The following TMEM132B variants were observed in gnomAD, a reference collection of about 807,000 sequenced individuals.
TMEM132B encodes the protein transmembrane protein 132B.
Under a neutral mutation model 90.8 loss-of-function variants are expected in TMEM132B, and 18 were observed. That is an observed-to-expected ratio of 0.20 (90% CI 0.14 to 0.29). The LOEUF (loss-of-function observed/expected upper bound fraction) is 0.29. Among genes scored for constraint, TMEM132B ranks in the 10% least tolerant of loss-of-function variants. The pLI is 1.00. For synonymous variants in TMEM132B, 504 were observed against 523.3 expected (o/e 0.96, Z 0.50); for missense variants, 1,096 against 1,326.8 (o/e 0.83, Z 2.70).
chr12:125,514,589 G>A (rs1883060231), intron 3 of TMEM132B, among the ~76,000 whole-genome samples: 1 of 152,144 alleles, frequency 6.6e-6, no homozygotes, highest in Non-Finnish European at 1.5e-5. Context: ...TTCCCATGTG[G>A]GGAAAGTGTT....
At chr12:125,378,506 C>T (rs1041560575) in intron 2 of TMEM132B, among the ~76,000 whole-genome samples, 16 of 152,304 alleles carry the variant, frequency 1.1e-4, no homozygotes, top group African/African-American at 3.4e-4. Flanking sequence ...CATCTTTAAC[C>T]CACAGTTTTT....
intron 5 of TMEM132B, among the ~76,000 whole-genome samples, chr12:125,595,554 G>A (rs1430896977): frequency 6.6e-6 from 1 of 152,164 alleles, no homozygotes; most frequent in Non-Finnish European, 1.5e-5. Context: ...TGGTGCAAAA[G>A]TAACTGTGGT....
At chr12:125,324,033 A>G (rs895803788) in intron 1 of TMEM132B, among the ~76,000 whole-genome samples, 1 of 151,994 alleles carries the variant, frequency 6.6e-6, no homozygotes, top group African/African-American at 2.4e-5. Context: ...ACACACATAC[A>G]CACACACAAC....
intron 3 of TMEM132B, among the ~76,000 whole-genome samples, chr12:125,431,516 G>A (rs556947778): frequency 1.2e-4 from 19 of 152,252 alleles, no homozygotes; most frequent in South Asian, 1.0e-3. Flanking sequence ...CGTACTGAGC[G>A]ACGTGCTTAG....
chr12:125,534,529 C>T (rs1347829109), intron 4 of TMEM132B, among the ~76,000 whole-genome samples: 1 of 152,164 alleles, frequency 6.6e-6, no homozygotes, highest in East Asian at 1.9e-4. Context: ...ATTTTCCACC[C>T]CACAACCAAA....
At chr12:125,627,215 G>C (rs1452564722) in intron 5 of TMEM132B, among the ~76,000 whole-genome samples, 2 of 151,944 alleles carry the variant, frequency 1.3e-5, no homozygotes, top group Non-Finnish European at 2.9e-5. Context: ...ATTTCCTCTA[G>C]AGCCTTTAAC....
chr12:125,331,473 C>T (rs1876770174), intron 1 of TMEM132B, among the ~76,000 whole-genome samples: 1 of 152,146 alleles, frequency 6.6e-6, no homozygotes, highest in Non-Finnish European at 1.5e-5. Context: ...GTTTCGAGGT[C>T]GCGCTATGGT....
At chr12:125,321,809 A>G (rs1474722718) in intron 1 of TMEM132B, among the ~76,000 whole-genome samples, 1 of 151,976 alleles carries the variant, frequency 6.6e-6, no homozygotes, top group African/African-American at 2.4e-5. Flanking sequence ...GTTAAGATAC[A>G]CCACCATATG....
chr12:125,544,922 A>G (rs1037198831), intron 4 of TMEM132B, among the ~76,000 whole-genome samples: 10 of 148,998 alleles, frequency 6.7e-5, no homozygotes, highest in Admixed American at 4.0e-4. Context: ...CCAGAAAACA[A>G]TAGTAATCAA....
At chr12:125,255,015 T>C (rs1020812115) in intron 1 of TMEM132B, among the ~76,000 whole-genome samples, 4 of 152,180 alleles carry the variant, frequency 2.6e-5, no homozygotes, top group African/African-American at 9.6e-5. Flanking sequence ...ATGGGGACTG[T>C]GACGAGGAGG....
chr12:125,412,069 A>C (rs961384629), intron 2 of TMEM132B, among the ~76,000 whole-genome samples: 1 of 152,060 alleles, frequency 6.6e-6, no homozygotes, highest in African/African-American at 2.4e-5. Flanking sequence ...GTCTCCCCGC[A>C]CTGGACCCTC....
At chr12:125,300,236 G>A (rs1992890) in intron 1 of TMEM132B, among the ~76,000 whole-genome samples, 88,800 of 151,696 alleles carry the variant, frequency 0.59, 27,158 homozygotes, top group South Asian at 0.71. Context: ...AGGTCTCGCT[G>A]TGCTGCCCAG....
intron 4 of TMEM132B, among the ~76,000 whole-genome samples, chr12:125,545,432 A>G (rs2136742388): frequency 6.6e-6 from 1 of 152,296 alleles, no homozygotes; most frequent in South Asian, 2.1e-4. Flanking sequence ...GGAACACACC[A>G]GTGTGGATGT....
chr12:125,359,641 G>T (rs1877898220), intron 2 of TMEM132B, among the ~76,000 whole-genome samples: 1 of 152,130 alleles, frequency 6.6e-6, no homozygotes, highest in African/African-American at 2.4e-5. Context: ...ATAAATACCA[G>T]CCAGTTGGTT....
At chr12:125,218,280 T>G (rs1315300110) in intron 1 of TMEM132B, among the ~76,000 whole-genome samples, 1 of 152,082 alleles carries the variant, frequency 6.6e-6, no homozygotes, top group African/African-American at 2.4e-5. Context: ...TTTTTTAACT[T>G]AAATTATATA....
At chr12:125,518,684 A>G (rs765561044) in intron 3 of TMEM132B, among the ~76,000 whole-genome samples, 5 of 152,220 alleles carry the variant, frequency 3.3e-5, no homozygotes, top group Non-Finnish European at 7.3e-5. Flanking sequence ...TACAAATACC[A>G]TAATCACACT....
intron 3 of TMEM132B, among the ~76,000 whole-genome samples, chr12:125,513,759 A>G (rs1013884553): frequency 6.6e-6 from 1 of 152,126 alleles, no homozygotes; most frequent in African/African-American, 2.4e-5. Context: ...GTTGTAATTT[A>G]TATTCTATTT....
chr12:125,541,043 A>G (rs1883941296), intron 4 of TMEM132B, among the ~76,000 whole-genome samples: 1 of 152,124 alleles, frequency 6.6e-6, no homozygotes, highest in Non-Finnish European at 1.5e-5. Context: ...CTTCCTCCAG[A>G]TGTCTACAAG....
intron 1 of TMEM132B, among the ~76,000 whole-genome samples, chr12:125,284,863 T>C (rs1875305159): frequency 6.6e-6 from 1 of 152,200 alleles, no homozygotes; most frequent in Non-Finnish European, 1.5e-5. Context: ...CCTGCTTTGC[T>C]CTGTGTTGGC....
Sources: gnomAD v4.1 joint callset for allele counts (sites outside exome capture counted in the v4.1 genomes callset) on GRCh38, gnomAD v4.1.1 for gene constraint, MANE v1.5 for transcripts, NCBI Gene and HGNC (gene_info 2026-07-23, HGNC 2026-07-21) for gene names.